The following MAF variants were observed in gnomAD, a reference collection of about 807,000 sequenced individuals.
MAF encodes transcription factor Maf.
Under a neutral mutation model 22.0 loss-of-function variants are expected in MAF, and 10 were observed. That is an observed-to-expected ratio of 0.45 (90% CI 0.28 to 0.77). MAF has a LOEUF of 0.77. Ranked by LOEUF, MAF falls within the 30% of genes least tolerant of loss-of-function variation. The pLI, the probability that MAF is intolerant of heterozygous loss-of-function variation, is 0.12. For synonymous variants in MAF, 337 were observed against 255.8 expected (o/e 1.32, Z -3.03); for missense variants, 544 against 548.4 (o/e 0.99, Z 0.08).
chr16:79,589,769 T>A (rs1020595173), downstream of MAF, among the ~76,000 whole-genome samples: 9 of 152,162 alleles, frequency 5.9e-5, no homozygotes, highest in Non-Finnish European at 1.5e-5. Flanking sequence ...TAAACCAAAT[T>A]TGAACACAAT....
chr16:79,242,816 T>C, the MAF span, among the ~76,000 whole-genome samples: 1 of 152,006 alleles, frequency 6.6e-6, no homozygotes, highest in African/African-American at 2.4e-5. Context: ...AAAACACTCC[T>C]CAGCAAATGC....
the MAF span, among the ~76,000 whole-genome samples, chr16:79,539,331 T>C: frequency 6.6e-6 from 1 of 152,184 alleles, no homozygotes; most frequent in Non-Finnish European, 1.5e-5. Context: ...GGTAAAACCC[T>C]GTATCTGCTA....
the MAF span, among the ~76,000 whole-genome samples, chr16:79,400,144 C>G: frequency 1.3e-5 from 2 of 152,122 alleles, no homozygotes; most frequent in Admixed American, 6.5e-5. Context: ...TGGGTAGACA[C>G]CAGCAATGTG....
chr16:79,229,375 C>T, the MAF span: 1 of 151,718 alleles, frequency 6.6e-6, no homozygotes, highest in African/African-American at 2.4e-5. Context: ...CAGGGTGTCT[C>T]TTTGATGGTC....
the MAF span, chr16:79,204,504 C>T: frequency 1.4e-4 from 21 of 152,284 alleles, no homozygotes; most frequent in African/African-American, 5.1e-4. Context: ...AATGTTACAA[C>T]TCGTCCCATT....
the MAF span, among the ~76,000 whole-genome samples, chr16:79,536,847 T>C: frequency 1.3e-5 from 2 of 152,318 alleles, no homozygotes; most frequent in Admixed American, 6.5e-5. Context: ...GTAAGTTATA[T>C]GCAAATCCTA....
chr16:79,488,378 G>C, the MAF span, among the ~76,000 whole-genome samples: 282 of 152,250 alleles, frequency 1.9e-3, 1 homozygote, highest in African/African-American at 6.3e-3. Flanking sequence ...GGAGGCTCTG[G>C]GGCGAGACTG....
the MAF span, among the ~76,000 whole-genome samples, chr16:79,328,290 T>TA: frequency 0.017 from 2,575 of 151,784 alleles, 18 homozygotes; most frequent in Middle Eastern, 0.044. Flanking sequence ...CCTTTTTTTT[T>TA]AAAAAAAGAA....
chr16:79,445,336 C>T, the MAF span, among the ~76,000 whole-genome samples: 1 of 152,192 alleles, frequency 6.6e-6, no homozygotes, highest in South Asian at 2.1e-4. Context: ...AGCCACTGCG[C>T]CCGGCCAACA....
chr16:79,594,392 G>T lies in MAF; in HGVS notation c.*68C>A. On this transcript the variant is annotated 3_prime_UTR_variant, in exon 2 of 2. Coordinates refer to ENST00000326043, the MANE Select transcript of MAF (RefSeq NM_005360.5). ...GACTAAACAGAAGTCAGGGGTAGGT[G>T]GTTCTCCATGACTGCAAATAATAAT... 7.4e-7 allele frequency: 1 copy of T among 1,356,084 alleles called. No individual in the cohort carries two copies. The highest frequency in any genetic ancestry group is 2.5e-5 in the East Asian group (1 of 39,944). 84.0% of individuals were successfully genotyped at this position (1,356,084 alleles called of 1,614,324 possible). A position where few individuals can be genotyped will look rare whatever the true frequency, so the allele number is the denominator to read the frequency against.
Position 79,599,293 on chromosome 16 carries a change from C to T in MAF, c.610G>A (p.Gly204Ser), listed in dbSNP as rs1373611152. 9.2e-6 allele frequency: 9 copies of T among 979,918 alleles called. No homozygotes were observed. The African/African-American group carries it at 1.2e-4, about 13-fold the overall frequency. 60.7% of individuals were successfully genotyped at this position (979,918 alleles called of 1,614,324 possible). A position where few individuals can be genotyped will look rare whatever the true frequency, so the allele number is the denominator to read the frequency against. ...HPTAGAPGAA[G>S]SAAASAGGAG... ...CCACCGGCCGAGGCGGCCGCGCTGC[C>T]CGCGGCGCCGGGCGCGCCGGCCGTC... Residue 204 changes from glycine to serine, a missense_variant, in exon 1 of 2, where the codon GGC becomes AGC. Physicochemically the swap from Gly to Ser is moderately conservative, Grantham distance 56. Transcript: ENST00000326043.
chr16:79,547,257 A>G, the MAF span, among the ~76,000 whole-genome samples: 2 of 151,670 alleles, frequency 1.3e-5, no homozygotes, highest in Non-Finnish European at 2.9e-5. Flanking sequence ...ACATATACCC[A>G]TACACACTAC....
At chr16:79,212,087 G>C in the MAF span, 2 of 1,536,254 alleles carry the variant, frequency 1.3e-6, no homozygotes, top group Non-Finnish European at 1.7e-6. Flanking sequence ...TATCTCCCTG[G>C]AGAAGCACCA....
At chr16:79,470,115 C>T in the MAF span, among the ~76,000 whole-genome samples, 1 of 152,192 alleles carries the variant, frequency 6.6e-6, no homozygotes, top group South Asian at 2.1e-4. Context: ...ATCACAAGAC[C>T]AACACTGGCA....
At position 79,598,299 on chromosome 16, in the gene MAF, A is replaced by G. The variant is rs181916172; in HGVS notation, c.1118+486T>C. 6.4e-6 allele frequency: 7 copies of G among 1,093,008 alleles called. 1 individual carries two copies. In the African/African-American group the frequency reaches 9.6e-5, roughly 15 times the overall value. The allele number at this position is 1,093,008 out of a possible 1,614,324, so 67.7% of individuals were successfully genotyped here. A position where few individuals can be genotyped will look rare whatever the true frequency, so the allele number is the denominator to read the frequency against. Reference sequence around the variant, plus strand: ...AATCCAAACAAAATAAAACACACACACACACAGAAAATGAACACCAGTTCA... The same window carrying G: ...AATCCAAACAAAATAAAACACACACGCACACAGAAAATGAACACCAGTTCA... On this transcript the variant is annotated intron_variant, in intron 1 of 1. Transcript: ENST00000326043.
the MAF span, among the ~76,000 whole-genome samples, chr16:79,509,725 C>G: frequency 6.6e-6 from 1 of 152,236 alleles, no homozygotes; most frequent in Non-Finnish European, 1.5e-5. Context: ...CTCAATTTCT[C>G]TGGGGATGCG....
At chr16:79,589,680 C>T (rs141730654), downstream of MAF, among the ~76,000 whole-genome samples, 52 of 152,244 alleles carry the variant, frequency 3.4e-4, no homozygotes, top group Non-Finnish European at 6.8e-4. Flanking sequence ...AGGCGCCCGC[C>T]CACCCAGGAG....
At chr16:79,571,086 C>A in the MAF span, among the ~76,000 whole-genome samples, 1 of 151,036 alleles carries the variant, frequency 6.6e-6, no homozygotes, top group Non-Finnish European at 1.5e-5. Context: ...TTTGCTCCAC[C>A]CTGAGGAATC....
chr16:79,449,016 G>T, the MAF span, among the ~76,000 whole-genome samples: 2 of 152,170 alleles, frequency 1.3e-5, no homozygotes, highest in Non-Finnish European at 2.9e-5. Context: ...GGAACCCCGA[G>T]ATTGTTTTCC....
Sources: allele counts gnomAD v4.1 joint callset (sites outside exome capture counted in the v4.1 genomes callset), GRCh38; gene constraint gnomAD v4.1.1; transcripts MANE v1.5; gene names NCBI Gene and HGNC (gene_info 2026-07-23, HGNC 2026-07-21).